Variants in KHDRBS1 observed in about 807,000 individuals in gnomAD.
KHDRBS1 encodes the protein KH RNA binding domain containing, signal transduction associated 1.
KHDRBS1 carries 7 observed loss-of-function variants against 48.4 expected under a neutral mutation model. The observed-to-expected ratio is 0.14, with a 90% confidence interval of 0.08 to 0.27. KHDRBS1 has a LOEUF of 0.27. Among genes scored for constraint, KHDRBS1 ranks in the 10% least tolerant of loss-of-function variants. The probability of loss-of-function intolerance (pLI) is 1.00; values close to 1 mark genes in which losing one functional copy is unlikely to be tolerated. For synonymous variants in KHDRBS1, 241 were observed against 235.8 expected (o/e 1.02, Z -0.20); for missense variants, 458 against 601.2 (o/e 0.76, Z 2.49).
intron 1 of KHDRBS1, among the ~76,000 whole-genome samples, chr1:32,017,257 CAAAA>C (rs1003013929): frequency 3.7e-5 from 4 of 109,292 alleles, no homozygotes; most frequent in Non-Finnish European, 7.9e-5. Context: ...GACTCCGTCT[CAAAA>C]AAAAAAAAAA....
rs1639084815 is a variant in KHDRBS1, at chr1:32,031,775, G to A, written c.624+135G>A. On this transcript the variant is annotated intron_variant, in intron 3 of 8. Transcript: ENST00000327300. The stretch of plus-strand genomic sequence containing the variant: ...TGGCTCCTTTAAGTTTGCACTGGAT[G>A]CAAGAGATTATACACCAAGTTAATT... 7.6e-6 allele frequency: 4 copies of A among 524,752 alleles called. No individual in the cohort carries two copies. In the South Asian group the frequency reaches 1.2e-4, roughly 15 times the overall value. 32.5% of individuals were successfully genotyped at this position (524,752 alleles called of 1,614,324 possible). A position where few individuals can be genotyped will look rare whatever the true frequency, so the allele number is the denominator to read the frequency against.
chr1:32,050,975 C>G (rs1381659030), intron 10 of KHDRBS1, among the ~76,000 whole-genome samples: 1 of 152,152 alleles, frequency 6.6e-6, no homozygotes, highest in Non-Finnish European at 1.5e-5. Flanking sequence ...ATTGCAACCT[C>G]TGCCTCCCAG....
At chr1:32,028,010 G>A (rs553183703) in intron 1 of KHDRBS1, among the ~76,000 whole-genome samples, 1 of 152,296 alleles carries the variant, frequency 6.6e-6, no homozygotes, top group Non-Finnish European at 1.5e-5. Context: ...CCAGCTACTC[G>A]GAAGGCTGAG....
intron 4 of KHDRBS1, among the ~76,000 whole-genome samples, chr1:32,035,818 A>C (rs183870774): frequency 2.0e-5 from 3 of 152,232 alleles, no homozygotes; most frequent in African/African-American, 2.4e-5. Context: ...AGACAATTCT[A>C]AAATTATGTG....
At chr1:32,021,571 T>G (rs750755636) in intron 1 of KHDRBS1, among the ~76,000 whole-genome samples, 1 of 152,120 alleles carries the variant, frequency 6.6e-6, no homozygotes, top group Non-Finnish European at 1.5e-5. Flanking sequence ...GATGATAAAG[T>G]CATGTGAGTT....
intron 10 of KHDRBS1, among the ~76,000 whole-genome samples, chr1:32,053,858 G>A (rs764112525): frequency 1.3e-5 from 2 of 152,126 alleles, no homozygotes; most frequent in Non-Finnish European, 1.5e-5. Context: ...CGAGGTGGGC[G>A]GATCACTTGA....
intron 10 of KHDRBS1, among the ~76,000 whole-genome samples, chr1:32,055,378 G>A (rs1639470018): frequency 6.6e-6 from 1 of 152,032 alleles, no homozygotes; most frequent in Non-Finnish European, 1.5e-5. Flanking sequence ...AACCTGGGAG[G>A]CGGAGGTTGC....
At chr1:32,045,439 C>G (rs1416059373), downstream of KHDRBS1, 1 of 152,604 alleles carries the variant, frequency 6.6e-6, no homozygotes, top group Non-Finnish European at 1.5e-5. Flanking sequence ...TTTATCATAA[C>G]TGTAAAACAG....
chr1:32,024,212 C>T (rs1466742751), intron 1 of KHDRBS1, among the ~76,000 whole-genome samples: 1 of 151,948 alleles, frequency 6.6e-6, no homozygotes, highest in Non-Finnish European at 1.5e-5. Context: ...GAGATTGTGC[C>T]ACTGCACTCC....
At chr1:32,058,650 A>G (rs973369088) in intron 10 of KHDRBS1, among the ~76,000 whole-genome samples, 2 of 152,150 alleles carry the variant, frequency 1.3e-5, no homozygotes, top group African/African-American at 2.4e-5. Flanking sequence ...GAAATAAGAA[A>G]GGTCTAGCCG....
At chr1:32,014,446 CCT>C (rs1356637084) in intron 1 of KHDRBS1, 69 bp downstream of exon 1, 21 of 1,254,802 alleles carry the variant, frequency 1.7e-5, no homozygotes, top group East Asian at 1.3e-4. Flanking sequence ...TGGCTTTGTT[CCT>C]CTCGCTTCCC....
intron 8 of KHDRBS1, among the ~76,000 whole-genome samples, chr1:32,040,282 G>C (rs761973258): frequency 7.2e-5 from 11 of 152,096 alleles, no homozygotes; most frequent in Non-Finnish European, 1.0e-4. Context: ...CAGGTGTGGT[G>C]GTGGGCGCCT....
intron 1 of KHDRBS1, among the ~76,000 whole-genome samples, chr1:32,024,946 T>C (rs1638933682): frequency 6.6e-6 from 1 of 150,670 alleles, no homozygotes; most frequent in South Asian, 2.1e-4. Context: ...GCCTAGGCAG[T>C]AGAGAACCCA....
At chr1:32,019,882 C>G (rs541172292) in intron 1 of KHDRBS1, among the ~76,000 whole-genome samples, 1 of 152,216 alleles carries the variant, frequency 6.6e-6, no homozygotes, top group South Asian at 2.1e-4. Flanking sequence ...AGCAGTTCTC[C>G]TGCCTCAGCC....
intron 2 of KHDRBS1, among the ~76,000 whole-genome samples, chr1:32,030,814 A>G (rs1433485994): frequency 6.6e-5 from 10 of 151,504 alleles, no homozygotes; most frequent in Non-Finnish European, 1.2e-4. Context: ...CTAAAAGTTT[A>G]CTTTTAAGTA....
intron 10 of KHDRBS1, among the ~76,000 whole-genome samples, chr1:32,051,862 G>T (rs1639426463): frequency 6.6e-6 from 1 of 152,202 alleles, no homozygotes; most frequent in African/African-American, 2.4e-5. Context: ...CAAAAATGTG[G>T]ATTAGAGTGT....
chr1:32,048,386 T>C (rs200325815), downstream of KHDRBS1, among the ~76,000 whole-genome samples: 24 of 152,290 alleles, frequency 1.6e-4, no homozygotes, highest in East Asian at 4.0e-3. Flanking sequence ...GGCTTGCACC[T>C]CTTATCCTAG....
At chr1:32,032,462 G>A (rs1274255429) in intron 3 of KHDRBS1, among the ~76,000 whole-genome samples, 1 of 152,096 alleles carries the variant, frequency 6.6e-6, no homozygotes, top group African/African-American at 2.4e-5. Flanking sequence ...CCACTCCCTA[G>A]ACCATATAAG....
rs1639258385 is a variant in KHDRBS1 at position 32,040,276 on chromosome 1, TGTG to T, written c.1234+711_1234+713del. 2.0e-5 allele frequency among the ~76,000 whole-genome samples: 3 copies of T among 151,766 alleles called. No homozygotes were observed. The South Asian group carries it at 6.2e-4, about 32-fold the overall frequency. On this transcript the variant is annotated intron_variant, in intron 8 of 8. Transcript: ENST00000327300. The stretch of plus-strand genomic sequence containing the variant: ...TAAAAATACAAAAAAATTAGCCAGG[TGTG>T]GTGGTGGGCGCCTTTAATCTCAGCT...
Sources: allele counts gnomAD v4.1 joint callset (sites outside exome capture counted in the v4.1 genomes callset), GRCh38; gene constraint gnomAD v4.1.1; transcripts MANE v1.5; gene names NCBI Gene and HGNC (gene_info 2026-07-23, HGNC 2026-07-21).